Variants in PDE10A observed in about 807,000 individuals in gnomAD.
PDE10A encodes the protein cAMP and cAMP-inhibited cGMP 3',5'-cyclic phosphodiesterase 10A.
In PDE10A, 39 loss-of-function variants were observed where a neutral mutation model predicts 97.7. The observed-to-expected ratio is 0.40, with a 90% CI of 0.31 to 0.52. The LOEUF (loss-of-function observed/expected upper bound fraction) is 0.52, where lower values mean the gene tolerates loss of function less well. Ranked by LOEUF, PDE10A falls within the 20% of genes least tolerant of loss-of-function variation. The pLI is 0.56. For missense variants in PDE10A, 731 were observed against 1,047.8 expected, an observed-to-expected ratio of 0.70 and a Z score of 4.17; for synonymous variants, 371 against 376.8, an observed-to-expected ratio of 0.98 and a Z score of 0.18.
intron 21 of PDE10A, among the ~76,000 whole-genome samples, chr6:165,334,276 G>A (rs145018880): frequency 1.1e-3 from 166 of 151,922 alleles, no homozygotes; most frequent in African/African-American, 2.8e-3. Flanking sequence ...CCTCCATAGC[G>A]CCCTACAGCG....
chr6:165,568,979 A>G (rs142051667), intron 1 of PDE10A, among the ~76,000 whole-genome samples: 96 of 152,316 alleles, frequency 6.3e-4, no homozygotes, highest in African/African-American at 2.3e-3. Context: ...AGACTAGAAA[A>G]CTTGCTACTC....
intron 1 of PDE10A, among the ~76,000 whole-genome samples, chr6:165,590,643 G>C (rs1583600757): frequency 6.6e-6 from 1 of 152,288 alleles, no homozygotes; most frequent in East Asian, 1.9e-4. Flanking sequence ...TGTAATCTCA[G>C]CCGTTTGCGA....
intron 1 of PDE10A, among the ~76,000 whole-genome samples, chr6:165,853,190 T>C (rs1780621357): frequency 1.3e-5 from 2 of 152,256 alleles, no homozygotes; most frequent in Admixed American, 1.3e-4. Flanking sequence ...GCCTCTGCTA[T>C]TGAATGGTGC....
chr6:165,593,075 T>A (rs1449341129), intron 1 of PDE10A, among the ~76,000 whole-genome samples: 2 of 152,040 alleles, frequency 1.3e-5, no homozygotes, highest in Admixed American at 6.5e-5. Context: ...ATAGACTGGA[T>A]AAAGAAAATG....
At chr6:165,630,647 T>A (rs760296014) in intron 1 of PDE10A, among the ~76,000 whole-genome samples, 1 of 152,214 alleles carries the variant, frequency 6.6e-6, no homozygotes, top group Non-Finnish European at 1.5e-5. Context: ...CCATGGCTTA[T>A]GCTGGTAGGA....
chr6:165,613,513 C>T lies in PDE10A; in HGVS notation c.865+48434G>A, dbSNP rs928732162. 3.9e-5 allele frequency among the ~76,000 whole-genome samples: 6 copies of T among 152,018 alleles called. No homozygotes were observed. In the East Asian group the frequency reaches 1.2e-3, roughly 29 times the overall value. ...AATTAGCCAGGCGTGGTGGTACGCACCTATAGTCCCAGCTATTCGGGAAGC... is the reference window on the plus strand; with the variant it reads ...AATTAGCCAGGCGTGGTGGTACGCATCTATAGTCCCAGCTATTCGGGAAGC... On this transcript the variant is annotated intron_variant, in intron 1 of 21. Transcript: ENST00000539869.
chr6:165,753,032 C>T (rs1381959506), intron 1 of PDE10A, among the ~76,000 whole-genome samples: 7 of 152,194 alleles, frequency 4.6e-5, no homozygotes, highest in African/African-American at 1.2e-4. Flanking sequence ...CATTTTACAA[C>T]GTATGCATGT....
chr6:165,720,324 CAG>C (rs763722981), intron 1 of PDE10A, among the ~76,000 whole-genome samples: 1 of 152,078 alleles, frequency 6.6e-6, no homozygotes, highest in Non-Finnish European at 1.5e-5. Context: ...GTCCTGCTAT[CAG>C]AGTCACTGAT....
chr6:165,746,049 T>A (rs950100632), intron 1 of PDE10A, among the ~76,000 whole-genome samples: 1 of 152,232 alleles, frequency 6.6e-6, no homozygotes, highest in Non-Finnish European at 1.5e-5. Context: ...GATGCTGACA[T>A]ACGTGAATGG....
intron 1 of PDE10A, among the ~76,000 whole-genome samples, chr6:165,785,767 T>C (rs997898098): frequency 1.3e-5 from 2 of 152,214 alleles, no homozygotes; most frequent in African/African-American, 4.8e-5. Context: ...GGTTCCCAAA[T>C]GGAGCTGCAT....
At chr6:165,730,284 T>C (rs1792397949) in intron 1 of PDE10A, among the ~76,000 whole-genome samples, 3 of 152,196 alleles carry the variant, frequency 2.0e-5, no homozygotes, top group African/African-American at 7.2e-5. Flanking sequence ...CTGTCGTTTC[T>C]ACTGAGAGTT....
chr6:165,625,094 A>T (rs1335127061), intron 1 of PDE10A, among the ~76,000 whole-genome samples: 1 of 150,560 alleles, frequency 6.6e-6, no homozygotes, highest in Non-Finnish European at 1.5e-5. Flanking sequence ...TGCTGGAGAG[A>T]CGGCCGAGTG....
intron 1 of PDE10A, among the ~76,000 whole-genome samples, chr6:165,806,042 T>TAAAAAAAAA (rs67104260): frequency 2.7e-5 from 2 of 73,140 alleles, no homozygotes; most frequent in African/African-American, 5.6e-5. Context: ...GCTTGATTAT[T>TAAAAAAAAA]AAAAAAAAAA....
rs1467762519 is a variant in PDE10A, at chr6:165,330,345, C to T, written c.*2680G>A. The T allele has an allele frequency of 6.6e-6, 1 of 152,124 alleles. No individual in the cohort carries two copies. The highest frequency in any genetic ancestry group is 2.4e-5 in the African/African-American group (1 of 41,440). The allele number at this position is 152,124 out of a possible 1,614,324, so 9.4% of individuals were successfully genotyped here. A position where few individuals can be genotyped will look rare whatever the true frequency, so the allele number is the denominator to read the frequency against. ...TTTAAGAAAAGATCTGGGAACAAGACAAGAAACATGACCCGAAAGTCTGTC... is the reference window on the plus strand; with the variant it reads ...TTTAAGAAAAGATCTGGGAACAAGATAAGAAACATGACCCGAAAGTCTGTC... On this transcript the variant is annotated 3_prime_UTR_variant, in exon 22 of 22. Coordinates refer to ENST00000539869, the MANE Select transcript of PDE10A (RefSeq NM_001385079.1).
chr6:165,958,579 AAGACAGAAAG>A (rs1784240909), intron 1 of PDE10A, among the ~76,000 whole-genome samples: 4 of 34,528 alleles, frequency 1.2e-4, no homozygotes, highest in Non-Finnish European at 6.7e-5. Flanking sequence ...GACAGAAAGA[AAGACAGAAAG>A]AGAGAAAGAA....
At chr6:165,509,915 T>G (rs1781416811) in intron 2 of PDE10A, among the ~76,000 whole-genome samples, 1 of 151,884 alleles carries the variant, frequency 6.6e-6, no homozygotes, top group African/African-American at 2.4e-5. Flanking sequence ...CTGCTGACTT[T>G]TTGATTTTGT....
At position 165,645,757 on chromosome 6, in the gene PDE10A, G is replaced by A. The variant is rs554033098; in HGVS notation, c.865+16190C>T. ...TAATCCCAGCTACTAGGGAGGCTGA[G>A]ACAGGAGAATTGCTTGAACCTGGGA... On this transcript the variant is annotated intron_variant, in intron 1 of 21. Coordinates refer to ENST00000539869, the MANE Select transcript of PDE10A (RefSeq NM_001385079.1). Among the ~76,000 whole-genome samples the A allele has an allele frequency of 2.0e-5, 3 of 147,326 alleles. No individual in the cohort carries two copies. In the East Asian group the frequency reaches 5.9e-4, roughly 29 times the overall value.
intron 18 of PDE10A, among the ~76,000 whole-genome samples, chr6:165,354,126 C>T (rs1240582476): frequency 6.6e-6 from 1 of 152,112 alleles, no homozygotes; most frequent in Non-Finnish European, 1.5e-5. Flanking sequence ...TCAGAAATAA[C>T]AGCTAAGTTC....
At chr6:165,898,049 A>G (rs1782004736) in intron 1 of PDE10A, among the ~76,000 whole-genome samples, 1 of 150,632 alleles carries the variant, frequency 6.6e-6, no homozygotes, top group African/African-American at 2.5e-5. Flanking sequence ...CATCGTGGCA[A>G]GGGCTCCCCT....
Sources: allele counts gnomAD v4.1 joint callset (sites outside exome capture counted in the v4.1 genomes callset), GRCh38; gene constraint gnomAD v4.1.1; transcripts MANE v1.5; gene names NCBI Gene and HGNC (gene_info 2026-07-23, HGNC 2026-07-21).